DDX60: variants seen among roughly 807,000 people sequenced by gnomAD.
DDX60 encodes the protein DExD/H-box helicase 60, also known as probable ATP-dependent RNA helicase DDX60.
A neutral mutation model predicts 212.8 loss-of-function variants in DDX60; 165 were observed. That is an observed-to-expected ratio of 0.78 (90% CI 0.68 to 0.88). The LOEUF is 0.88. Among genes scored for constraint, DDX60 ranks in the 40% least tolerant of loss-of-function variants. The pLI, the probability that DDX60 is intolerant of heterozygous loss-of-function variation, is 0.00. For missense variants in DDX60, 1,905 were observed against 2,003.9 expected, an observed-to-expected ratio of 0.95 and a Z score of 0.94; for synonymous variants, 703 against 685.3, an observed-to-expected ratio of 1.03 and a Z score of -0.40.
At chr4:168,238,766 T>C (rs1733731844) in intron 30 of DDX60, among the ~76,000 whole-genome samples, 1 of 152,124 alleles carries the variant, frequency 6.6e-6, no homozygotes, top group Admixed American at 6.6e-5. Context: ...ACTAAGATTA[T>C]AAGAATCCTG....
At chr4:168,273,103 A>G (rs1269328979) in intron 18 of DDX60, among the ~76,000 whole-genome samples, 176 bp downstream of exon 18, 1 of 152,244 alleles carries the variant, frequency 6.6e-6, no homozygotes, top group Non-Finnish European at 1.5e-5. Context: ...GATGAGTTCT[A>G]GTTCTCACTC....
rs760746841 is a variant in DDX60 at position 168,276,082 on chromosome 4, T to G, written c.2078A>C (p.Gln693Pro). 6.2e-7 allele frequency: 1 copy of G among 1,613,838 alleles called. No individual in the cohort carries two copies. Among genetic ancestry groups the G allele is most frequent in the East Asian group, 2.2e-5 (1 of 44,814 alleles). The change falls in exon 15 of 38, where the codon CAA becomes CCA. Residue 693 changes from glutamine (Q) to proline (P), a missense_variant. Physicochemically the swap from Gln to Pro is moderately conservative, Grantham distance 76. Transcript: ENST00000393743. ...YSELLQEDDR[Q>P]LIARCLKYLG... ...ATACTTAAGGCATCTGGCTATGAGT[T>G]GCCGATCATCTTCTTGTAAAAGTTC...
chr4:168,313,116 G>A (rs754527036), intron 1 of DDX60, among the ~76,000 whole-genome samples: 1 of 152,156 alleles, frequency 6.6e-6, no homozygotes, highest in Non-Finnish European at 1.5e-5. Flanking sequence ...AATTTGCTGT[G>A]TTCTAGCAGA....
intron 1 of DDX60, among the ~76,000 whole-genome samples, chr4:168,312,754 G>GAT (rs1367037850): frequency 1.4e-4 from 10 of 71,550 alleles, no homozygotes; most frequent in African/African-American, 5.6e-4. Context: ...AGATATGATA[G>GAT]AGAGAGAGAG....
At chr4:168,240,649 C>T (rs535232341) in intron 30 of DDX60, among the ~76,000 whole-genome samples, 1 of 152,238 alleles carries the variant, frequency 6.6e-6, no homozygotes, top group East Asian at 1.9e-4. Flanking sequence ...CAAGACTATA[C>T]ATTTACAACC....
intron 35 of DDX60, among the ~76,000 whole-genome samples, chr4:168,223,373 T>C (rs1733133260): frequency 6.6e-6 from 1 of 152,060 alleles, no homozygotes. Context: ...AGTAAATTTG[T>C]ATAAAGTGAG....
At chr4:168,266,738 T>G (rs1734864376) in intron 22 of DDX60, among the ~76,000 whole-genome samples, 1 of 152,214 alleles carries the variant, frequency 6.6e-6, no homozygotes, top group Admixed American at 6.5e-5. Context: ...GGTATGCATT[T>G]AGCTTTTTCC....
At chr4:168,247,729 T>C (rs1734070679) in intron 29 of DDX60, among the ~76,000 whole-genome samples, 1 of 152,164 alleles carries the variant, frequency 6.6e-6, no homozygotes, top group South Asian at 2.1e-4. Flanking sequence ...CAAATACCTC[T>C]ATGGGACAGT....
intron 1 of DDX60, among the ~76,000 whole-genome samples, chr4:168,311,935 A>C (rs910270841): frequency 2.0e-5 from 3 of 152,200 alleles, no homozygotes; most frequent in Non-Finnish European, 4.4e-5. Context: ...GTCCAGCTAC[A>C]ATATAGAGAA....
chr4:168,315,776 A>C (rs538981113), intron 1 of DDX60, among the ~76,000 whole-genome samples: 1 of 152,324 alleles, frequency 6.6e-6, no homozygotes, highest in African/African-American at 2.4e-5. Context: ...TTATGGCTGC[A>C]TAGTGTTCCA....
intron 30 of DDX60, among the ~76,000 whole-genome samples, chr4:168,239,513 G>A (rs1404718492): frequency 1.3e-5 from 2 of 152,116 alleles, no homozygotes; most frequent in Non-Finnish European, 2.9e-5. Flanking sequence ...AGGAACTGAT[G>A]AGAACTCTAT....
intron 1 of DDX60, 90 bp from the exon 2 acceptor site, chr4:168,311,455 A>C: frequency 1.8e-6 from 1 of 546,862 alleles, no homozygotes; most frequent in Non-Finnish European, 3.3e-6. Context: ...GACACAAGGA[A>C]TACAAGAATG....
chr4:168,246,656 A>T lies in DDX60; in HGVS notation c.3964-38T>A, dbSNP rs775301091. On this transcript the variant is annotated intron_variant, in intron 29 of 37. Coordinates refer to ENST00000393743, the MANE Select transcript of DDX60 (RefSeq NM_017631.6). ...TAGAATTACAATGTAAAACTTCCCTAAATGCTTCTACTGCCATAGTGTAAG... is the reference window on the plus strand; with the variant it reads ...TAGAATTACAATGTAAAACTTCCCTTAATGCTTCTACTGCCATAGTGTAAG... 4.4e-6 allele frequency: 7 copies of T among 1,602,876 alleles called. No homozygotes were observed. The Admixed American group carries it at 1.2e-4, about 27-fold the overall frequency.
intron 26 of DDX60, among the ~76,000 whole-genome samples, chr4:168,253,520 G>A (rs1393692757): frequency 2.0e-5 from 3 of 152,092 alleles, no homozygotes; most frequent in African/African-American, 7.2e-5. Context: ...CTCTCCTGGG[G>A]ATGGGAAATA....
At chr4:168,300,730 A>G (rs1375982266) in intron 6 of DDX60, among the ~76,000 whole-genome samples, 5 of 152,176 alleles carry the variant, frequency 3.3e-5, no homozygotes, top group African/African-American at 1.2e-4. Flanking sequence ...CTGTAACTGT[A>G]TTACATAATA....
chr4:168,233,098 T>C (rs548769996), intron 33 of DDX60, among the ~76,000 whole-genome samples: 1 of 151,938 alleles, frequency 6.6e-6, no homozygotes, highest in East Asian at 1.9e-4. Flanking sequence ...CCAACAAACA[T>C]ATGAAAAAAA....
In DDX60 at chr4:168,236,303, T is replaced by C. The variant is rs1454846; in HGVS notation, c.4482A>G (p.Arg1494=). ...VLVLAHLFGR[R]YFPPKFQDAH... ...CATCTTGGAACTTTGGTGGAAAATA[T>C]CTTCTTCCAAAGAGATGTGCCAATA... Residue 1494 remains arginine (R), a synonymous_variant, in exon 33 of 38, where the codon AGA becomes AGG. Transcript: ENST00000393743. The C allele has an allele frequency of 4.2e-5, 67 of 1,611,122 alleles. 1 individual carries two copies. In the African/African-American group the frequency reaches 8.5e-4, roughly 21 times the overall value.
At chr4:168,272,345 A>G (rs1350654372) in intron 18 of DDX60, among the ~76,000 whole-genome samples, 1 of 152,244 alleles carries the variant, frequency 6.6e-6, no homozygotes, top group African/African-American at 2.4e-5. Context: ...TTAGGCCAAA[A>G]ATGGTAGAAA....
intron 6 of DDX60, among the ~76,000 whole-genome samples, chr4:168,299,138 C>T (rs1477381684): frequency 5.2e-5 from 6 of 115,052 alleles, no homozygotes; most frequent in South Asian, 2.8e-4. Context: ...TCTGGCCTGG[C>T]GACAGAGCGA....
Sources: gnomAD v4.1 joint callset for allele counts (sites outside exome capture counted in the v4.1 genomes callset) on GRCh38, gnomAD v4.1.1 for gene constraint, MANE v1.5 for transcripts, NCBI Gene and HGNC (gene_info 2026-07-23, HGNC 2026-07-21) for gene names.